DNAH5: variants seen among roughly 807,000 people sequenced by gnomAD.
DNAH5 encodes the protein axonemal beta dynein heavy chain 5.
A neutral mutation model predicts 518.2 loss-of-function variants in DNAH5; 372 were observed. That is an observed-to-expected ratio of 0.72 (90% CI 0.66 to 0.78). The LOEUF (loss-of-function observed/expected upper bound fraction) is 0.78, where lower values mean the gene tolerates loss of function less well. Ranked by LOEUF, DNAH5 falls within the 30% of genes least tolerant of loss-of-function variation. The pLI is 0.00. For synonymous variants in DNAH5, 2,039 were observed against 2,025.9 expected (o/e 1.01, Z -0.17); for missense variants, 5,523 against 5,687.0 (o/e 0.97, Z 0.93).
At chr5:13,751,319 T>C in intron 64 of DNAH5, 59 bp from the exon 65 acceptor site, 4 of 1,418,090 alleles carry the variant, frequency 2.8e-6, no homozygotes, top group Non-Finnish European at 3.9e-6. Flanking sequence ...ACTGTGTCTT[T>C]TTTGTATCAG....
chr5:13,979,998 C>T (rs1234399340), intron 1 of DNAH5, among the ~76,000 whole-genome samples: 1 of 152,038 alleles, frequency 6.6e-6, no homozygotes, highest in Non-Finnish European at 1.5e-5. Flanking sequence ...CACCACCACA[C>T]CTGGCTAATT....
At chr5:13,920,670 A>C (rs1777155544) in intron 5 of DNAH5, 53 bp from the exon 6 acceptor site, 6 of 1,601,638 alleles carry the variant, frequency 3.7e-6, no homozygotes, top group Middle Eastern at 1.7e-4. Flanking sequence ...AAACACACAG[A>C]CTGTGGGCCC....
intron 35 of DNAH5, among the ~76,000 whole-genome samples, chr5:13,836,750 T>A (rs1764448281): frequency 6.6e-6 from 1 of 152,212 alleles, no homozygotes; most frequent in African/African-American, 2.4e-5. Flanking sequence ...TTTGCAGATG[T>A]CATTAATGTT....
chr5:13,796,186 G>C lies in DNAH5; in HGVS notation c.7888-2128C>G, dbSNP rs527752345. Among the ~76,000 whole-genome samples, 169 of 152,272 alleles carry C rather than the reference G, an allele frequency of 1.1e-3. 2 individuals carry two copies. The highest frequency in any genetic ancestry group is 3.8e-3 in the African/African-American group (156 of 41,552). ...ACCACTCATATTCAACATAGTGTTG[G>C]AAGTTCTGGCCAGGGCAATCAGGAA... is the stretch of plus-strand genomic sequence containing the variant. On this transcript the variant is annotated intron_variant, in intron 47 of 78. Transcript: ENST00000265104.
chr5:13,928,234 TTAAA>T, intron 2 of DNAH5, 56 bp from the exon 3 acceptor site: 1 of 1,329,170 alleles, frequency 7.5e-7, no homozygotes, highest in Admixed American at 1.7e-5. Context: ...GAAACTGCAA[TTAAA>T]TCAGCATTAA....
chr5:13,797,074 G>A (rs188076327), intron 47 of DNAH5, among the ~76,000 whole-genome samples: 162 of 152,278 alleles, frequency 1.1e-3, no homozygotes, highest in African/African-American at 3.7e-3. Flanking sequence ...AGACTTAAAT[G>A]TTAGACCTGA....
In DNAH5 at chr5:13,934,629, AT is replaced by A. The variant is rs1778746293; in HGVS notation, c.58-3386del. Among the ~76,000 whole-genome samples the A allele has an allele frequency of 2.6e-5, 4 of 152,306 alleles. No homozygotes were observed. In the South Asian group the frequency reaches 8.3e-4, roughly 32 times the overall value. ...GAGGAAAATTTAGAGTCAAGAAAGA[AT>A]TTTTTAAGGTACAAAAGACTTACAG... On this transcript the variant is annotated intron_variant, in intron 1 of 78. Transcript: ENST00000265104.
At chr5:13,754,584 G>T (rs1161990500) in intron 61 of DNAH5, among the ~76,000 whole-genome samples, 1 of 152,022 alleles carries the variant, frequency 6.6e-6, no homozygotes, top group Non-Finnish European at 1.5e-5. Flanking sequence ...TGTTACCCAG[G>T]CTGCAGTGCA....
intron 35 of DNAH5, among the ~76,000 whole-genome samples, chr5:13,835,306 A>G (rs1764225864): frequency 6.6e-6 from 1 of 151,998 alleles, no homozygotes; most frequent in Non-Finnish European, 1.5e-5. Context: ...GTAATGATAT[A>G]GAAATAACTG....
In DNAH5 at chr5:13,811,677, A is replaced by T. The variant is rs200022014; in HGVS notation, c.7377T>A (p.Ile2459=). ...VLEAFVITQS[I]NMLQGLIPLK... ...GAGGAATCAGGCCTTGAAGCATGTT[A>T]ATGCTCTGTGTGATGACAAAGGCCT... The change falls in exon 44 of 79, where the codon ATT becomes ATA. Residue 2459 remains isoleucine, a synonymous_variant. Coordinates refer to ENST00000265104, the MANE Select transcript of DNAH5 (RefSeq NM_001369.3). 26 of 1,614,064 alleles carry T rather than the reference A, an allele frequency of 1.6e-5. No homozygotes were observed. Among genetic ancestry groups the T allele is most frequent in the Non-Finnish European group, 2.1e-5 (25 of 1,180,032 alleles).
chr5:13,866,524 T>C (rs964805439), intron 25 of DNAH5, among the ~76,000 whole-genome samples: 1 of 152,220 alleles, frequency 6.6e-6, no homozygotes, highest in Non-Finnish European at 1.5e-5. Context: ...AAATATGTAT[T>C]ATTCATTTCT....
chr5:13,711,052 A>T (rs1172222730), intron 75 of DNAH5, among the ~76,000 whole-genome samples: 1 of 152,182 alleles, frequency 6.6e-6, no homozygotes, highest in Non-Finnish European at 1.5e-5. Flanking sequence ...AAATCAGGAA[A>T]GGACATACCC....
intron 11 of DNAH5, 119 bp downstream of exon 11, chr5:13,913,624 T>C: frequency 1.7e-6 from 2 of 1,185,964 alleles, no homozygotes; most frequent in Non-Finnish European, 2.4e-6. Flanking sequence ...GGCCATGAGA[T>C]TATTTATATT....
At chr5:13,965,571 G>C (rs561585309) in intron 1 of DNAH5, among the ~76,000 whole-genome samples, 4 of 152,278 alleles carry the variant, frequency 2.6e-5, no homozygotes, top group Admixed American at 2.0e-4. Flanking sequence ...AGAGAGAACT[G>C]CATCAGTCTC....
At chr5:13,978,332 C>G (rs1047317962) in intron 1 of DNAH5, among the ~76,000 whole-genome samples, 1 of 152,118 alleles carries the variant, frequency 6.6e-6, no homozygotes, top group African/African-American at 2.4e-5. Context: ...ACTTCCAGTA[C>G]GGGAGATTAC....
chr5:13,802,068 A>T (rs1472626), intron 47 of DNAH5, among the ~76,000 whole-genome samples: 6,379 of 148,462 alleles, frequency 0.043, 366 homozygotes, highest in African/African-American at 0.13. Flanking sequence ...ACTGATTTTT[A>T]AAAAAAAAAA....
At chr5:13,769,660 T>C (rs1346587823) in intron 56 of DNAH5, 45 bp from the exon 57 acceptor site, 2 of 1,484,004 alleles carry the variant, frequency 1.3e-6, no homozygotes, top group Non-Finnish European at 1.9e-6. Flanking sequence ...TGTGTAGGAC[T>C]TGGATGCAAT....
At chr5:13,751,007 T>A (rs1750134420) in intron 65 of DNAH5, 71 bp downstream of exon 65, 2 of 1,507,080 alleles carry the variant, frequency 1.3e-6, no homozygotes, top group East Asian at 4.5e-5. Context: ...ACAACTGTTA[T>A]TATCTTATTT....
At position 13,810,203 on chromosome 5, in the gene DNAH5, G is replaced by A. The variant is rs771511314; in HGVS notation, c.7465C>T (p.Leu2489=). The A allele has an allele frequency of 9.7e-6, 15 of 1,550,376 alleles. No individual in the cohort carries two copies. Among genetic ancestry groups the A allele is most frequent in the Non-Finnish European group, 4.4e-6 (5 of 1,146,848 alleles). ...HLGRLFVFAL[L]WSAGAALELD... ...TCCAGCGCCGCCCCCGCGCTCCACA[G>A]CAGCGCGAACACGAACAGCCGCCCC... The change falls in exon 45 of 79, where the codon CTG becomes TTG. Residue 2489 remains leucine (L), a synonymous_variant. Transcript: ENST00000265104.
Sources: gnomAD v4.1 joint callset for allele counts (sites outside exome capture counted in the v4.1 genomes callset) on GRCh38, gnomAD v4.1.1 for gene constraint, MANE v1.5 for transcripts, NCBI Gene and HGNC (gene_info 2026-07-23, HGNC 2026-07-21) for gene names.